SMAP1: variants seen among roughly 807,000 people sequenced by gnomAD.
SMAP1 encodes small ArfGAP 1, also known as stromal membrane-associated protein 1.
Under a neutral mutation model 58.5 loss-of-function variants are expected in SMAP1, and 24 were observed. The ratio of observed to expected loss-of-function variants is 0.41; its 90% CI spans 0.30 to 0.58. The LOEUF (loss-of-function observed/expected upper bound fraction) is 0.58, where lower values mean the gene tolerates loss of function less well. Among genes scored for constraint, SMAP1 ranks in the 20% least tolerant of loss-of-function variants. SMAP1 has a pLI of 0.29. For missense variants in SMAP1, 563 were observed against 566.3 expected (o/e 0.99, Z 0.06); for synonymous variants, 216 against 196.6 (o/e 1.10, Z -0.82).
At chr6:70,779,875 T>C (rs1483531293) in intron 4 of SMAP1, among the ~76,000 whole-genome samples, 1 of 152,158 alleles carries the variant, frequency 6.6e-6, no homozygotes, top group Admixed American at 6.6e-5. Flanking sequence ...CAGATCAACA[T>C]TGGCAGAGAG....
At chr6:70,825,931 T>C (rs1420829877) in intron 6 of SMAP1, among the ~76,000 whole-genome samples, 13 of 152,192 alleles carry the variant, frequency 8.5e-5, no homozygotes, top group Admixed American at 8.5e-4. Flanking sequence ...TGGTCCACAC[T>C]GAACCAGATT....
At chr6:70,837,887 T>A (rs1770659984) in intron 7 of SMAP1, 5 of 1,202,938 alleles carry the variant, frequency 4.2e-6, no homozygotes, top group Non-Finnish European at 4.2e-6. Context: ...TGTTATTGAA[T>A]AAATTGTTGT....
chr6:70,822,491 A>G (rs553276578), intron 6 of SMAP1, among the ~76,000 whole-genome samples: 7 of 152,314 alleles, frequency 4.6e-5, no homozygotes, highest in East Asian at 1.9e-4. Context: ...CCAATATGCT[A>G]TATGGCTTTT....
intron 7 of SMAP1, among the ~76,000 whole-genome samples, chr6:70,851,337 T>C (rs990191183): frequency 6.6e-6 from 1 of 152,196 alleles, no homozygotes; most frequent in Non-Finnish European, 1.5e-5. Flanking sequence ...TAAGTTTCTG[T>C]GGATTGTGGT....
intron 1 of SMAP1, among the ~76,000 whole-genome samples, chr6:70,723,681 T>C (rs1768632890): frequency 6.6e-6 from 1 of 152,226 alleles, no homozygotes; most frequent in African/African-American, 2.4e-5. Context: ...TTTATCTGTT[T>C]AGTTTACTAC....
At chr6:70,703,118 C>T (rs1303932216) in intron 1 of SMAP1, among the ~76,000 whole-genome samples, 1 of 151,974 alleles carries the variant, frequency 6.6e-6, no homozygotes, top group African/African-American at 2.4e-5. Context: ...CGCTCTGTCA[C>T]CCAGGCTGGA....
intron 8 of SMAP1, among the ~76,000 whole-genome samples, chr6:70,854,490 C>T (rs971378280): frequency 1.3e-5 from 2 of 151,932 alleles, no homozygotes; most frequent in African/African-American, 2.4e-5. Context: ...GGCGTGGTGG[C>T]GTGCGCCTGT....
At chr6:70,851,783 T>A (rs570208623) in intron 7 of SMAP1, among the ~76,000 whole-genome samples, 3 of 152,310 alleles carry the variant, frequency 2.0e-5, no homozygotes, top group Non-Finnish European at 4.4e-5. Context: ...TAATTTGAAT[T>A]TTTAAGTAGG....
At chr6:70,804,542 ATGT>A (rs1280138973) in intron 6 of SMAP1, among the ~76,000 whole-genome samples, 1 of 152,062 alleles carries the variant, frequency 6.6e-6, no homozygotes, top group Non-Finnish European at 1.5e-5. Flanking sequence ...TGTCATTATG[ATGT>A]TCGCTGGTTA....
chr6:70,831,123 C>T (rs1249599363), intron 6 of SMAP1, among the ~76,000 whole-genome samples: 1 of 152,116 alleles, frequency 6.6e-6, no homozygotes, highest in Admixed American at 6.6e-5. Flanking sequence ...CTTCCTAGTC[C>T]AATAGCTGAG....
Position 70,860,809 on chromosome 6 carries a change from G to A in SMAP1, c.*475G>A, listed in dbSNP as rs998669755. 17 of 397,704 alleles carry A rather than the reference G, an allele frequency of 4.3e-5. No homozygotes were observed. Among genetic ancestry groups the A allele is most frequent in the Non-Finnish European group, 6.7e-5 (15 of 225,332 alleles). The allele number at this position is 397,704 out of a possible 1,614,324, so 24.6% of individuals were successfully genotyped here. On this transcript the variant is annotated 3_prime_UTR_variant, in exon 11 of 11. Transcript: ENST00000370455. ...GCACTGTTTTCTAGTGTATCAAAAT[G>A]CTCTTATTTCATCATTCACTTCACT...
chr6:70,798,607 T>G (rs1395695801), intron 5 of SMAP1, 50 bp from the exon 6 acceptor site: 2 of 1,423,266 alleles, frequency 1.4e-6, no homozygotes, highest in African/African-American at 2.9e-5. Context: ...AGTCAAAAAT[T>G]GCCATTTTTT....
intron 1 of SMAP1, chr6:70,668,511 C>T: frequency 1.3e-6 from 2 of 1,495,570 alleles, no homozygotes; most frequent in Non-Finnish European, 1.8e-6. Flanking sequence ...GAGTTGCCCT[C>T]CTAGCTCTGC....
intron 1 of SMAP1, among the ~76,000 whole-genome samples, chr6:70,716,519 G>A (rs2149842497): frequency 6.6e-6 from 1 of 152,166 alleles, no homozygotes; most frequent in Non-Finnish European, 1.5e-5. Context: ...TGTGGCTTGG[G>A]GGTTGGAGGC....
chr6:70,790,043 T>C (rs17763666), intron 4 of SMAP1, among the ~76,000 whole-genome samples: 3,574 of 152,352 alleles, frequency 0.023, 52 homozygotes, highest in Non-Finnish European at 0.037. Context: ...ATGCCCGTAT[T>C]ATCCTTTTAT....
chr6:70,798,429 C>T (rs1226640171), intron 5 of SMAP1, among the ~76,000 whole-genome samples: 1 of 151,946 alleles, frequency 6.6e-6, no homozygotes, highest in Non-Finnish European at 1.5e-5. Flanking sequence ...AATTGTCTTA[C>T]CGCTGTGCCT....
At chr6:70,799,240 A>G (rs748085051) in intron 6 of SMAP1, among the ~76,000 whole-genome samples, 7 of 152,202 alleles carry the variant, frequency 4.6e-5, no homozygotes, top group African/African-American at 1.4e-4. Context: ...GGATTTGTCT[A>G]TGTATAGAAA....
At chr6:70,792,061 G>C (rs1054190413) in intron 5 of SMAP1, among the ~76,000 whole-genome samples, 4 of 151,750 alleles carry the variant, frequency 2.6e-5, no homozygotes, top group Admixed American at 6.6e-5. Flanking sequence ...TTACAGGAAC[G>C]TTTTTTTAAA....
At chr6:70,807,678 G>A (rs1364758383) in intron 6 of SMAP1, among the ~76,000 whole-genome samples, 1 of 152,154 alleles carries the variant, frequency 6.6e-6, no homozygotes, top group South Asian at 2.1e-4. Flanking sequence ...TCAAAGCATG[G>A]AACATGCAAA....
Sources: gnomAD v4.1 joint callset for allele counts (sites outside exome capture counted in the v4.1 genomes callset) on GRCh38, gnomAD v4.1.1 for gene constraint, MANE v1.5 for transcripts, NCBI Gene and HGNC (gene_info 2026-07-23, HGNC 2026-07-21) for gene names.